Variants in PPP1R12A observed in about 807,000 individuals in gnomAD.
PPP1R12A encodes the protein myosin binding subunit.
PPP1R12A carries 19 observed loss-of-function variants against 139.6 expected under a neutral mutation model. The observed-to-expected ratio is 0.14, with a 90% confidence interval of 0.09 to 0.20. PPP1R12A has a LOEUF of 0.20. Ranked by LOEUF, PPP1R12A falls within the 10% of genes least tolerant of loss-of-function variation. The pLI, the probability that PPP1R12A is intolerant of heterozygous loss-of-function variation, is 1.00. For synonymous variants in PPP1R12A, 427 were observed against 420.6 expected, an observed-to-expected ratio of 1.02 and a Z score of -0.19; for missense variants, 925 against 1,211.5, an observed-to-expected ratio of 0.76 and a Z score of 3.51.
intron 1 of PPP1R12A, among the ~76,000 whole-genome samples, chr12:79,887,526 G>T (rs1002037774): frequency 6.6e-6 from 1 of 152,228 alleles, no homozygotes; most frequent in Non-Finnish European, 1.5e-5. Context: ...ATATGTGAAT[G>T]GAAATAAGTT....
At chr12:79,821,272 G>T in intron 6 of PPP1R12A, 106 bp from the exon 7 acceptor site, 1 of 722,410 alleles carries the variant, frequency 1.4e-6, no homozygotes, top group Admixed American at 2.8e-5. Flanking sequence ...CATTAAATAA[G>T]ACAAAACAAA....
At chr12:79,918,542 A>G (rs968677457) in intron 1 of PPP1R12A, among the ~76,000 whole-genome samples, 2 of 152,192 alleles carry the variant, frequency 1.3e-5, no homozygotes, top group Non-Finnish European at 2.9e-5. Context: ...CCAAGCCAGA[A>G]AACAGGTGCA....
intron 2 of PPP1R12A, among the ~76,000 whole-genome samples, chr12:79,868,035 C>T (rs1319629570): frequency 2.0e-5 from 3 of 151,998 alleles, no homozygotes; most frequent in African/African-American, 7.3e-5. Flanking sequence ...CAAAGGGTAA[C>T]CAAATAGTAG....
intron 1 of PPP1R12A, among the ~76,000 whole-genome samples, chr12:79,878,007 AAAG>A (rs1324119743): frequency 1.3e-5 from 2 of 152,158 alleles, no homozygotes; most frequent in Admixed American, 6.5e-5. Flanking sequence ...ATTCTTTATA[AAAG>A]AATATGGGGA....
chr12:79,914,335 C>G (rs1486554825), intron 1 of PPP1R12A, among the ~76,000 whole-genome samples: 1 of 151,714 alleles, frequency 6.6e-6, no homozygotes, highest in Non-Finnish European at 1.5e-5. Context: ...TAAAACTTTG[C>G]AAAACTATAA....
intron 2 of PPP1R12A, among the ~76,000 whole-genome samples, chr12:79,854,133 A>G (rs916248273): frequency 1.4e-4 from 22 of 152,194 alleles, no homozygotes; most frequent in African/African-American, 5.1e-4. Flanking sequence ...AAGCTTGCAG[A>G]ATGCCTATCA....
At chr12:79,821,668 G>A (rs910297180) in intron 6 of PPP1R12A, among the ~76,000 whole-genome samples, 1 of 151,736 alleles carries the variant, frequency 6.6e-6, no homozygotes. Flanking sequence ...CAGGAGAATG[G>A]CTCAGACCCA....
At chr12:79,788,886 TCA>T (rs1191973275) in intron 20 of PPP1R12A, 103 bp from the exon 21 acceptor site, 19 of 975,418 alleles carry the variant, frequency 1.9e-5, no homozygotes, top group Non-Finnish European at 2.5e-5. Flanking sequence ...AAAGAGTAGG[TCA>T]CAGTCTCCCT....
chr12:79,806,181 G>A lies in PPP1R12A; in HGVS notation c.1808C>T (p.Ala603Val). 1 of 1,613,882 alleles carries A rather than the reference G, an allele frequency of 6.2e-7. No homozygotes were observed. The highest frequency in any genetic ancestry group is 1.3e-5 in the African/African-American group (1 of 75,040). ...TGTGACTTACCTGCTTTGTGTGCCT[G>A]CTGAGGAAGAACCCGTTGTAATCTT... ...TTKITTGSSS[A>V]GTQSSTSNRL... The change falls in exon 13 of 25, where the codon GCA becomes GTA. Residue 603 changes from alanine to valine, a missense_variant. Physicochemically the swap from Ala to Val is moderately conservative, Grantham distance 64. Around this residue, in one of 4 missense-constraint regions of PPP1R12A, gnomAD observed 403 missense variants for 463.7 expected, o/e 0.87. Transcript: ENST00000450142.
chr12:79,910,278 G>A (rs989337450), intron 1 of PPP1R12A, among the ~76,000 whole-genome samples: 13 of 151,776 alleles, frequency 8.6e-5, no homozygotes, highest in African/African-American at 3.1e-4. Context: ...TCAGGACTTC[G>A]AAACCAGCCT....
At chr12:79,927,858 T>C (rs932042774) in intron 1 of PPP1R12A, among the ~76,000 whole-genome samples, 2 of 152,182 alleles carry the variant, frequency 1.3e-5, no homozygotes, top group Non-Finnish European at 2.9e-5. Context: ...TTCAAAGAGG[T>C]ATACCAAAAT....
intron 2 of PPP1R12A, among the ~76,000 whole-genome samples, chr12:79,870,239 T>C (rs1882425071): frequency 1.3e-5 from 2 of 151,954 alleles, no homozygotes; most frequent in South Asian, 4.1e-4. Context: ...TCTCCTGCCT[T>C]AGCCTCCAGA....
At chr12:79,804,385 G>A in intron 14 of PPP1R12A, among the ~76,000 whole-genome samples, 1 of 151,922 alleles carries the variant, frequency 6.6e-6, no homozygotes, top group East Asian at 1.9e-4. Context: ...CTAACCACTT[G>A]CAGTGGCATT....
chr12:79,865,789 C>G (rs1881895596), intron 2 of PPP1R12A, among the ~76,000 whole-genome samples: 1 of 152,152 alleles, frequency 6.6e-6, no homozygotes, highest in Admixed American at 6.5e-5. Flanking sequence ...TCAAGGAGAA[C>G]TACAAACCAC....
At chr12:79,778,772 T>C (rs1283785488) in intron 23 of PPP1R12A, 172 bp from the exon 24 acceptor site, 1 of 423,364 alleles carries the variant, frequency 2.4e-6, no homozygotes, top group East Asian at 3.3e-5. Flanking sequence ...CAAAAATAAA[T>C]ATGAAGATCT....
rs541477341 is a variant in PPP1R12A at position 79,903,685 on chromosome 12, T to A, written c.238-30747A>T. ...TATAGCACAATCTGGATCTTGATAC[T>A]GTGTCCATGTCTCGCTTTCTAGTTT... On this transcript the variant is annotated intron_variant, in intron 1 of 24. Coordinates refer to ENST00000450142, the MANE Select transcript of PPP1R12A (RefSeq NM_002480.3). Among the ~76,000 whole-genome samples, 11 of 152,342 alleles carry A rather than the reference T, an allele frequency of 7.2e-5. No homozygotes were observed. The South Asian group carries it at 2.1e-3, about 29-fold the overall frequency.
intron 8 of PPP1R12A, chr12:79,819,355 G>A (rs1377126813): frequency 2.0e-5 from 3 of 152,186 alleles, no homozygotes; most frequent in Non-Finnish European, 2.9e-5. Context: ...TCTCTTGTTT[G>A]TTTTAAATAG....
At chr12:79,906,102 T>C (rs574495128) in intron 1 of PPP1R12A, among the ~76,000 whole-genome samples, 30 of 152,226 alleles carry the variant, frequency 2.0e-4, no homozygotes, top group Admixed American at 1.5e-3. Context: ...AAAGCAAGCA[T>C]ACAATAAATA....
chr12:79,932,279 TTGTG>T (rs1051333684), intron 1 of PPP1R12A, among the ~76,000 whole-genome samples: 2 of 152,136 alleles, frequency 1.3e-5, no homozygotes, highest in African/African-American at 2.4e-5. Context: ...TAAAATTTTC[TTGTG>T]TGTGTGTGGT....
Sources: gnomAD v4.1 joint callset for allele counts (sites outside exome capture counted in the v4.1 genomes callset) on GRCh38, gnomAD v4.1.1 for gene constraint, gnomAD v4.1.1 regional missense constraint, MANE v1.5 for transcripts, NCBI Gene and HGNC (gene_info 2026-07-23, HGNC 2026-07-21) for gene names.